The following CENPP variants were observed in gnomAD, a reference collection of about 807,000 sequenced individuals.
CENPP encodes the protein centromere protein P.
In CENPP, 24 loss-of-function variants were observed where a neutral mutation model predicts 35.6. The ratio of observed to expected loss-of-function variants is 0.67; its 90% CI spans 0.49 to 0.95. The LOEUF (loss-of-function observed/expected upper bound fraction) is 0.95, where lower values mean the gene tolerates loss of function less well. Ranked by LOEUF, CENPP falls within the 40% of genes least tolerant of loss-of-function variation. CENPP has a pLI of 0.00. For missense variants in CENPP, 332 were observed against 345.3 expected, an observed-to-expected ratio of 0.96 and a Z score of 0.31; for synonymous variants, 120 against 125.5, an observed-to-expected ratio of 0.96 and a Z score of 0.29.
At chr9:92,600,610 A>G (rs1850887198) in intron 5 of CENPP, 1 of 1,571,656 alleles carries the variant, frequency 6.4e-7, no homozygotes, top group Non-Finnish European at 8.6e-7. Context: ...ACTACCAGAA[A>G]GACAGCGCAA....
intron 5 of CENPP, chr9:92,511,986 T>C (rs189594615): frequency 1.9e-6 from 3 of 1,552,522 alleles, no homozygotes; most frequent in Admixed American, 1.8e-5. Flanking sequence ...TTCATCCAAA[T>C]AGACAAATCA....
At chr9:92,517,532 C>T (rs1370064861) in intron 5 of CENPP, 1 of 986,666 alleles carries the variant, frequency 1.0e-6, no homozygotes, top group African/African-American at 1.6e-5. Context: ...ATACATTTTC[C>T]CAGATATTTT....
intron 5 of CENPP, chr9:92,500,902 A>G (rs763129979): frequency 7.4e-6 from 12 of 1,614,080 alleles, no homozygotes; most frequent in Non-Finnish European, 1.0e-5. Flanking sequence ...GACAGGTACA[A>G]GTATTCCAGG....
intron 5 of CENPP, among the ~76,000 whole-genome samples, chr9:92,578,162 G>T (rs997767106): frequency 6.6e-6 from 1 of 152,024 alleles, no homozygotes; most frequent in Non-Finnish European, 1.5e-5. Flanking sequence ...GTATTCCATG[G>T]TGTATATGTG....
chr9:92,337,272 C>T (rs1021053921), intron 2 of CENPP, among the ~76,000 whole-genome samples: 2 of 151,758 alleles, frequency 1.3e-5, no homozygotes, highest in Non-Finnish European at 2.9e-5. Flanking sequence ...GAGTCGAGAT[C>T]GCACCATTGC....
intron 4 of CENPP, among the ~76,000 whole-genome samples, chr9:92,358,702 T>C (rs1841657008): frequency 2.0e-5 from 3 of 152,192 alleles, no homozygotes; most frequent in Non-Finnish European, 4.4e-5. Context: ...TTTTAATTAT[T>C]GTACTTTTCA....
At chr9:92,351,058 A>G (rs536378314) in intron 4 of CENPP, among the ~76,000 whole-genome samples, 3 of 152,212 alleles carry the variant, frequency 2.0e-5, no homozygotes, top group African/African-American at 7.2e-5. Context: ...TTGTTTTCCT[A>G]TTTTTTTACT....
rs1042855721 is a variant in CENPP at position 92,572,236 on chromosome 9, C to T, written c.565-39078C>T. 5.9e-5 allele frequency among the ~76,000 whole-genome samples: 9 copies of T among 152,270 alleles called. No homozygotes were observed. The East Asian group carries it at 1.5e-3, about 26-fold the overall frequency. On this transcript the variant is annotated intron_variant, in intron 5 of 7. Coordinates refer to ENST00000375587, the MANE Select transcript of CENPP (RefSeq NM_001012267.3). ...TTGCAGTAACTGGTACCGGTTGTTC[C>T]TTTCCACATTTAGTGCTTCCTTCAG...
intron 5 of CENPP, among the ~76,000 whole-genome samples, chr9:92,546,341 C>T (rs182501289): frequency 4.6e-5 from 7 of 152,292 alleles, no homozygotes; most frequent in Admixed American, 2.6e-4. Context: ...GGTCCCCTTC[C>T]ACTGTGTGGA....
intron 5 of CENPP, chr9:92,393,234 C>T (rs41278681): frequency 2.0e-4 from 319 of 1,566,108 alleles, no homozygotes; most frequent in Non-Finnish European, 2.6e-4. Context: ...ACAGCAGACA[C>T]GTGGGCATTT....
intron 5 of CENPP, among the ~76,000 whole-genome samples, chr9:92,501,732 T>C (rs970633746): frequency 6.6e-6 from 1 of 152,218 alleles, no homozygotes; most frequent in Middle Eastern, 3.2e-3. Context: ...CTGAGCCCAA[T>C]TGGCCTCTCC....
chr9:92,501,471 G>C (rs1320026068), intron 5 of CENPP, among the ~76,000 whole-genome samples: 1 of 152,146 alleles, frequency 6.6e-6, no homozygotes, highest in Non-Finnish European at 1.5e-5. Context: ...GTTTGTTTTG[G>C]CTTGTTTTGG....
chr9:92,509,852 G>T, intron 5 of CENPP: 1 of 1,561,414 alleles, frequency 6.4e-7, no homozygotes. Context: ...GGACTATATA[G>T]GAAAGATTAT....
chr9:92,332,288 A>G lies in CENPP; in HGVS notation c.226A>G (p.Ile76Val), dbSNP rs760118691. 5.8e-5 allele frequency: 94 copies of G among 1,612,446 alleles called. 1 individual carries two copies. In the South Asian group the frequency reaches 9.9e-4, roughly 17 times the overall value. Reference protein sequence around the residue: ...ELSFLSTLTGINIRNHSKQTE... With the variant: ...ELSFLSTLTGVNIRNHSKQTE... The stretch of plus-strand genomic sequence containing the variant: ...TTCATTTCTAAGTACGCTTACTGGC[A>G]TCAATATAAGAAATCACTCCAAGCA... The change falls in exon 2 of 8, where the codon ATC becomes GTC. Residue 76 changes from isoleucine to valine, a missense_variant. Transcript: ENST00000375587.
chr9:92,456,590 G>A (rs904709275), intron 5 of CENPP: 3 of 151,594 alleles, frequency 2.0e-5, no homozygotes, highest in African/African-American at 4.9e-5. Flanking sequence ...AACACTACAC[G>A]TTTTTACAGA....
At chr9:92,386,175 A>C (rs1842411999) in intron 5 of CENPP, 1 of 1,479,402 alleles carries the variant, frequency 6.8e-7, no homozygotes. Context: ...AATTAGAGTC[A>C]GATATTGTGA....
At chr9:92,380,780 G>T (rs1208451366) in intron 5 of CENPP, among the ~76,000 whole-genome samples, 1 of 152,200 alleles carries the variant, frequency 6.6e-6, no homozygotes, top group Non-Finnish European at 1.5e-5. Flanking sequence ...TGACCAGGGA[G>T]TGTGCTGGCA....
intron 5 of CENPP, among the ~76,000 whole-genome samples, chr9:92,411,570 C>A (rs1843445559): frequency 6.6e-6 from 1 of 152,202 alleles, no homozygotes; most frequent in African/African-American, 2.4e-5. Context: ...GCTGGTATTA[C>A]AGGTGTAATC....
rs753063577 is a variant in CENPP, at chr9:92,611,158, C to T, written c.565-156C>T. On this transcript the variant is annotated intron_variant, in intron 5 of 7. Transcript: ENST00000375587. ...CCTACAGTGGGGCGGACGTGTGTGA[C>T]AGCAAGGGCAAGAGGGGCGGTTGGC... is the stretch of plus-strand genomic sequence containing the variant. 1.2e-4 allele frequency: 78 copies of T among 657,848 alleles called. No homozygotes were observed. The South Asian group carries it at 1.3e-3, about 11-fold the overall frequency. The allele number at this position is 657,848 out of a possible 1,614,324, so 40.8% of individuals were successfully genotyped here.
Sources: gnomAD v4.1 joint callset for allele counts (sites outside exome capture counted in the v4.1 genomes callset) on GRCh38, gnomAD v4.1.1 for gene constraint, MANE v1.5 for transcripts, NCBI Gene and HGNC (gene_info 2026-07-23, HGNC 2026-07-21) for gene names.